Variants in RAB27B observed in about 807,000 individuals in gnomAD.
The protein encoded by RAB27B is RAB27B, member RAS oncogene family.
A neutral mutation model predicts 24.6 loss-of-function variants in RAB27B; 15 were observed. The ratio of observed to expected loss-of-function variants is 0.61; its 90% CI spans 0.41 to 0.94. The LOEUF is 0.94. Among genes scored for constraint, RAB27B ranks in the 40% least tolerant of loss-of-function variants. The probability of loss-of-function intolerance (pLI) is 0.00; values close to 1 mark genes in which losing one functional copy is unlikely to be tolerated. For missense variants in RAB27B, 261 were observed against 266.8 expected (o/e 0.98, Z 0.15); for synonymous variants, 105 against 92.5 (o/e 1.14, Z -0.78).
intron 1 of RAB27B, among the ~76,000 whole-genome samples, chr18:54,849,765 G>T (rs149247967): frequency 4.0e-4 from 61 of 152,100 alleles, no homozygotes; most frequent in African/African-American, 1.4e-3. Context: ...GGGATATATA[G>T]AAATTATATG....
intron 1 of RAB27B, among the ~76,000 whole-genome samples, chr18:54,853,917 GCTT>G (rs1323191856): frequency 2.6e-5 from 4 of 151,840 alleles, no homozygotes; most frequent in Non-Finnish European, 5.9e-5. Context: ...TTTGCCTGTG[GCTT>G]CTTTTACATC....
At chr18:54,812,958 CAT>C (rs1446003734) in intron 2 of RAB27B, among the ~76,000 whole-genome samples, 36 of 152,222 alleles carry the variant, frequency 2.4e-4, no homozygotes, top group African/African-American at 8.4e-4. Context: ...AATAAAGAAG[CAT>C]AGATTCTCTC....
intron 2 of RAB27B, among the ~76,000 whole-genome samples, chr18:54,763,185 T>A (rs181584792): frequency 3.6e-4 from 55 of 151,866 alleles, no homozygotes; most frequent in Admixed American, 3.3e-3. Flanking sequence ...TAAGGGAGGG[T>A]AAGGGAAAGC....
intron 2 of RAB27B, among the ~76,000 whole-genome samples, chr18:54,772,530 A>G (rs1027986780): frequency 2.0e-5 from 3 of 152,214 alleles, no homozygotes; most frequent in Non-Finnish European, 2.9e-5. Context: ...AAAATGTGAG[A>G]TCTTTCGTTT....
intron 2 of RAB27B, among the ~76,000 whole-genome samples, chr18:54,733,660 C>T (rs867016549): frequency 1.4e-5 from 2 of 139,286 alleles, no homozygotes; most frequent in African/African-American, 5.2e-5. Flanking sequence ...GCCCCCCCCC[C>T]CCAAATTTGC....
chr18:54,833,222 TTTTC>T (rs761572436), intron 1 of RAB27B, among the ~76,000 whole-genome samples: 3 of 104,378 alleles, frequency 2.9e-5, no homozygotes, highest in African/African-American at 1.0e-4. Context: ...TCTTTTCTTT[TTTTC>T]TTTCTTTCTT....
At chr18:54,825,819 A>G (rs1215345999), upstream of RAB27B, among the ~76,000 whole-genome samples, 1 of 152,186 alleles carries the variant, frequency 6.6e-6, no homozygotes, top group East Asian at 1.9e-4. Flanking sequence ...ATTCCAATAT[A>G]CAGACGTATA....
chr18:54,795,143 G>A (rs558820979), intron 2 of RAB27B, among the ~76,000 whole-genome samples: 1 of 152,258 alleles, frequency 6.6e-6, no homozygotes, highest in East Asian at 1.9e-4. Flanking sequence ...AATTTGTGAT[G>A]CTACCACAAT....
chr18:54,890,715 C>T lies in RAB27B; in HGVS notation c.*1302C>T, dbSNP rs1913331846. On this transcript the variant is annotated 3_prime_UTR_variant, in exon 6 of 6. Transcript: ENST00000262094. ...TTTTATTTTGCCAAAGGCAAGACAC[C>T]TATAGTTGAGCTGTATTTTGGGGGA... The T allele has an allele frequency of 6.6e-6, 1 of 151,332 alleles. No individual in the cohort carries two copies. Among genetic ancestry groups the T allele is most frequent in the Admixed American group, 6.6e-5 (1 of 15,110 alleles). The allele number at this position is 151,332 out of a possible 1,614,324, so 9.4% of individuals were successfully genotyped here.
chr18:54,847,566 T>C (rs574320437), intron 1 of RAB27B, among the ~76,000 whole-genome samples: 1 of 152,368 alleles, frequency 6.6e-6, no homozygotes, highest in South Asian at 2.1e-4. Flanking sequence ...TCCAAGTCCT[T>C]GACTCTTTTA....
Position 54,732,270 on chromosome 18 carries a change from T to C in RAB27B, c.-20+14129T>C, listed in dbSNP as rs555726932. ...ATAGTTGATATCACAATGAAAAGATTTGGTGTATTCCAGGTCTGAGTTCTT... is the reference window on the plus strand; with the variant it reads ...ATAGTTGATATCACAATGAAAAGATCTGGTGTATTCCAGGTCTGAGTTCTT... On this transcript the variant is annotated intron_variant, in intron 2 of 4. Coordinates refer to the RAB27B transcript ENST00000586570. Among the ~76,000 whole-genome samples, 12 of 152,334 alleles carry C rather than the reference T, an allele frequency of 7.9e-5. No individual in the cohort carries two copies. In the East Asian group the frequency reaches 1.9e-3, roughly 24 times the overall value.
At chr18:54,859,044 T>C (rs1052915425) in intron 1 of RAB27B, among the ~76,000 whole-genome samples, 2 of 152,198 alleles carry the variant, frequency 1.3e-5, no homozygotes, top group Non-Finnish European at 2.9e-5. Flanking sequence ...ACGTCACTTT[T>C]TAATGGAAAT....
intron 2 of RAB27B, among the ~76,000 whole-genome samples, chr18:54,815,771 T>C (rs1032061881): frequency 1.6e-4 from 24 of 152,194 alleles, no homozygotes; most frequent in African/African-American, 5.5e-4. Flanking sequence ...TAGCTCATTA[T>C]GTTCCACCAT....
chr18:54,837,695 T>A (rs1260721497), intron 1 of RAB27B, among the ~76,000 whole-genome samples: 1 of 152,130 alleles, frequency 6.6e-6, no homozygotes, highest in African/African-American at 2.4e-5. Context: ...CTTTATTTTC[T>A]GCAAGCACTA....
intron 1 of RAB27B, among the ~76,000 whole-genome samples, chr18:54,860,190 G>A (rs1037317716): frequency 1.3e-5 from 2 of 152,108 alleles, no homozygotes; most frequent in African/African-American, 4.8e-5. Context: ...TTACATACTC[G>A]CGACTGCAGA....
chr18:54,742,135 A>T (rs1910091257), intron 2 of RAB27B, among the ~76,000 whole-genome samples: 1 of 152,178 alleles, frequency 6.6e-6, no homozygotes, highest in Non-Finnish European at 1.5e-5. Flanking sequence ...TATTTTTCTG[A>T]TTAGGACAAA....
chr18:54,755,298 G>C (rs1156465916), intron 2 of RAB27B, among the ~76,000 whole-genome samples: 1 of 152,160 alleles, frequency 6.6e-6, no homozygotes, highest in African/African-American at 2.4e-5. Flanking sequence ...GCTGAGGCAG[G>C]AGAATCACTT....
At chr18:54,730,446 AT>A (rs1420110184) in intron 2 of RAB27B, among the ~76,000 whole-genome samples, 1 of 152,148 alleles carries the variant, frequency 6.6e-6, no homozygotes, top group African/African-American at 2.4e-5. Flanking sequence ...TGCTATAGTT[AT>A]TAGCGTGCTG....
chr18:54,764,164 C>A (rs60451908), intron 2 of RAB27B, among the ~76,000 whole-genome samples: 8,027 of 152,196 alleles, frequency 0.053, 270 homozygotes, highest in Admixed American at 0.084. Context: ...ATGTCATTGA[C>A]CCTGTGTTTA....
Sources: allele counts gnomAD v4.1 joint callset (sites outside exome capture counted in the v4.1 genomes callset), GRCh38; gene constraint gnomAD v4.1.1; transcripts MANE v1.5; gene names NCBI Gene and HGNC (gene_info 2026-07-23, HGNC 2026-07-21).